FRMD5: variants seen among roughly 807,000 people sequenced by gnomAD.
The protein encoded by FRMD5 is FERM domain-containing protein 5.
In FRMD5, 20 loss-of-function variants were observed where a neutral mutation model predicts 69.0. That is an observed-to-expected ratio of 0.29 (90% CI 0.20 to 0.42). The LOEUF is 0.42. Among genes scored for constraint, FRMD5 ranks in the 10% least tolerant of loss-of-function variants. FRMD5 has a pLI of 1.00. For missense variants in FRMD5, 595 were observed against 708.6 expected (o/e 0.84, Z 1.82); for synonymous variants, 271 against 260.1 (o/e 1.04, Z -0.40).
chr15:44,041,348 C>T (rs1892182395), intron 1 of FRMD5, among the ~76,000 whole-genome samples: 1 of 152,222 alleles, frequency 6.6e-6, no homozygotes, highest in East Asian at 1.9e-4. Flanking sequence ...ACCAAGGAGA[C>T]ATCTACAGAA....
intron 1 of FRMD5, among the ~76,000 whole-genome samples, chr15:44,038,801 G>A (rs146001114): frequency 1.3e-4 from 20 of 152,100 alleles, no homozygotes; most frequent in South Asian, 2.1e-4. Context: ...AGACTGTACC[G>A]GGAGGAACAG....
At chr15:43,982,342 A>G (rs1239054733) in intron 1 of FRMD5, among the ~76,000 whole-genome samples, 1 of 152,256 alleles carries the variant, frequency 6.6e-6, no homozygotes, top group African/African-American at 2.4e-5. Flanking sequence ...GCTTCTTGAC[A>G]TCAAGGACAA....
At chr15:44,042,641 C>T (rs1892250885) in intron 1 of FRMD5, among the ~76,000 whole-genome samples, 1 of 152,186 alleles carries the variant, frequency 6.6e-6, no homozygotes, top group African/African-American at 2.4e-5. Context: ...AATCAATAAA[C>T]GTAATCCATC....
At chr15:44,153,957 C>A (rs1281380054) in intron 1 of FRMD5, among the ~76,000 whole-genome samples, 1 of 151,506 alleles carries the variant, frequency 6.6e-6, no homozygotes, top group African/African-American at 2.4e-5. Flanking sequence ...GACGACAGGG[C>A]AAGTCTTAAA....
At chr15:44,144,190 T>A (rs1214470508) in intron 1 of FRMD5, among the ~76,000 whole-genome samples, 5 of 152,144 alleles carry the variant, frequency 3.3e-5, no homozygotes. Context: ...CTAGCATAGC[T>A]TCTGCTTAAA....
At chr15:44,035,280 C>T (rs1419870413) in intron 1 of FRMD5, among the ~76,000 whole-genome samples, 4 of 152,094 alleles carry the variant, frequency 2.6e-5, no homozygotes, top group Non-Finnish European at 5.9e-5. Context: ...GCCATAAAGA[C>T]CTTAAGGAAT....
intron 7 of FRMD5, among the ~76,000 whole-genome samples, chr15:43,893,134 A>C (rs514255): frequency 0.2 from 30,936 of 151,630 alleles, 3,614 homozygotes; most frequent in African/African-American, 0.29. Context: ...AAAACAAAAA[A>C]AAAAAAAAAC....
intron 1 of FRMD5, among the ~76,000 whole-genome samples, chr15:44,132,739 T>A (rs748042776): frequency 1.6e-5 from 1 of 64,168 alleles, no homozygotes; most frequent in Non-Finnish European, 4.5e-5. Context: ...ATCATGAATG[T>A]ATGTATGTAT....
At position 44,128,962 on chromosome 15, in the gene FRMD5, A is replaced by T. The variant is rs571172843; in HGVS notation, c.102+65991T>A. ...AGGTAGGCAGTGTTAACCAAACAGC[A>T]GCTAGGAGTACAACATTAGTGGAGG... On this transcript the variant is annotated intron_variant, in intron 1 of 13. Transcript: ENST00000417257. Among the ~76,000 whole-genome samples, 9 of 152,342 alleles carry T rather than the reference A, an allele frequency of 5.9e-5. No individual in the cohort carries two copies. In the East Asian group the frequency reaches 9.6e-4, roughly 16 times the overall value.
intron 5 of FRMD5, 47 bp downstream of exon 5, chr15:43,909,835 T>G (rs1566829319): frequency 9.1e-7 from 1 of 1,104,702 alleles, no homozygotes; most frequent in South Asian, 1.3e-5. Context: ...AATAATGTAA[T>G]CAGTACTTGG....
At chr15:43,979,493 C>CTTA (rs2090516081) in intron 1 of FRMD5, among the ~76,000 whole-genome samples, 1 of 152,152 alleles carries the variant, frequency 6.6e-6, no homozygotes, top group African/African-American at 2.4e-5. Flanking sequence ...GACTTGAACT[C>CTTA]GGTCTTATAA....
At chr15:44,010,657 T>C (rs1160253341) in intron 1 of FRMD5, among the ~76,000 whole-genome samples, 1 of 152,180 alleles carries the variant, frequency 6.6e-6, no homozygotes, top group Non-Finnish European at 1.5e-5. Context: ...AGTGCTGGGA[T>C]TATAGGCGTG....
intron 13 of FRMD5, among the ~76,000 whole-genome samples, chr15:43,875,385 T>A: frequency 7.0e-6 from 1 of 141,924 alleles, no homozygotes; most frequent in African/African-American, 2.6e-5. Flanking sequence ...TATATATATA[T>A]ATATATATGT....
chr15:44,148,433 G>A (rs528272802), intron 1 of FRMD5, among the ~76,000 whole-genome samples: 28 of 152,154 alleles, frequency 1.8e-4, no homozygotes, highest in East Asian at 1.4e-3. Context: ...CACAACGCCC[G>A]GCTAATTTTT....
At chr15:44,121,797 C>T (rs2140662225) in intron 1 of FRMD5, among the ~76,000 whole-genome samples, 1 of 151,972 alleles carries the variant, frequency 6.6e-6, no homozygotes, top group South Asian at 2.1e-4. Context: ...GAGTTCGAGA[C>T]CAGCCTGGCC....
chr15:43,907,047 T>C (rs1048324457), intron 5 of FRMD5, among the ~76,000 whole-genome samples: 1 of 152,098 alleles, frequency 6.6e-6, no homozygotes, highest in African/African-American at 2.4e-5. Flanking sequence ...CACGGTACTT[T>C]CCACACCCAG....
At chr15:43,937,622 G>A (rs2089783385) in intron 1 of FRMD5, among the ~76,000 whole-genome samples, 1 of 149,524 alleles carries the variant, frequency 6.7e-6, no homozygotes, top group Non-Finnish European at 1.5e-5. Flanking sequence ...TCCAGCCTGG[G>A]TGACAGAGTG....
At chr15:43,951,421 CAA>C (rs11375060) in intron 1 of FRMD5, among the ~76,000 whole-genome samples, 22 of 102,612 alleles carry the variant, frequency 2.1e-4, no homozygotes, top group Admixed American at 5.4e-4. Flanking sequence ...GACTCCATCT[CAA>C]AAAAAAAAAA....
chr15:43,995,296 A>T (rs1889867873), intron 1 of FRMD5, among the ~76,000 whole-genome samples: 1 of 152,214 alleles, frequency 6.6e-6, no homozygotes, highest in Non-Finnish European at 1.5e-5. Flanking sequence ...TTTAGTACAG[A>T]TGTAACCAAT....
Sources: allele counts gnomAD v4.1 joint callset (sites outside exome capture counted in the v4.1 genomes callset), GRCh38; gene constraint gnomAD v4.1.1; transcripts MANE v1.5; gene names NCBI Gene and HGNC (gene_info 2026-07-23, HGNC 2026-07-21).